Variants in SLC35F4 observed in about 807,000 individuals in gnomAD.
The protein encoded by SLC35F4 is solute carrier family 35 member F4.
A neutral mutation model predicts 44.2 loss-of-function variants in SLC35F4; 24 were observed. The observed-to-expected ratio is 0.54, with a 90% confidence interval of 0.39 to 0.76. SLC35F4 has a LOEUF of 0.76. SLC35F4 is among the 30% of genes least tolerant of loss of function. The pLI, the probability that SLC35F4 is intolerant of heterozygous loss-of-function variation, is 0.00. For missense variants in SLC35F4, 562 were observed against 586.1 expected (o/e 0.96, Z 0.42); for synonymous variants, 238 against 223.6 (o/e 1.06, Z -0.57).
intron 1 of SLC35F4, among the ~76,000 whole-genome samples, chr14:57,872,555 TCTAA>T (rs1165647930): frequency 6.6e-6 from 1 of 152,160 alleles, no homozygotes; most frequent in African/African-American, 2.4e-5. Context: ...GCTGGGCACC[TCTAA>T]CCTCCTGCAC....
chr14:57,932,975 T>C (rs1889727708), intron 1 of SLC35F4, among the ~76,000 whole-genome samples: 2 of 152,064 alleles, frequency 1.3e-5, no homozygotes, highest in Admixed American at 6.6e-5. Flanking sequence ...GAAAATATCA[T>C]TCCCCCATTT....
intron 2 of SLC35F4, among the ~76,000 whole-genome samples, chr14:57,592,710 T>C (rs987371872): frequency 6.6e-6 from 1 of 152,194 alleles, no homozygotes; most frequent in African/African-American, 2.4e-5. Context: ...AAAAATACAT[T>C]CTCAAATGAG....
intron 2 of SLC35F4, among the ~76,000 whole-genome samples, chr14:57,590,839 T>C (rs2070129375): frequency 6.6e-6 from 1 of 152,206 alleles, no homozygotes; most frequent in African/African-American, 2.4e-5. Context: ...TCACTTTGTG[T>C]CTCCAGAGCC....
intron 1 of SLC35F4, among the ~76,000 whole-genome samples, chr14:57,611,072 C>T (rs1412472745): frequency 1.3e-5 from 2 of 152,076 alleles, no homozygotes; most frequent in Non-Finnish European, 1.5e-5. Flanking sequence ...CAAACTGGGA[C>T]TTAAAGGCTG....
Position 57,665,346 on chromosome 14 carries a change from T to C in SLC35F4, c.104-71222A>G, listed in dbSNP as rs905888426. Among the ~76,000 whole-genome samples the C allele has an allele frequency of 6.6e-5, 10 of 152,326 alleles. No homozygotes were observed. In the South Asian group the frequency reaches 1.9e-3, roughly 28 times the overall value. ...TAATAATAGCTATTACTTATTGTGCTAGGCATCTCATTATGGGCCAGATAT... is the reference window on the plus strand; with the variant it reads ...TAATAATAGCTATTACTTATTGTGCCAGGCATCTCATTATGGGCCAGATAT... On this transcript the variant is annotated intron_variant, in intron 1 of 7. Coordinates refer to ENST00000556826, the MANE Select transcript of SLC35F4 (RefSeq NM_001306087.2).
At chr14:57,944,209 C>G (rs947360961) in intron 1 of SLC35F4, among the ~76,000 whole-genome samples, 2 of 152,160 alleles carry the variant, frequency 1.3e-5, no homozygotes, top group African/African-American at 4.8e-5. Context: ...GTCTTCTATT[C>G]CTACTTATCC....
At chr14:57,616,202 C>A (rs1462755376) in intron 1 of SLC35F4, among the ~76,000 whole-genome samples, 2 of 152,236 alleles carry the variant, frequency 1.3e-5, no homozygotes, top group African/African-American at 4.8e-5. Context: ...AAACTTCATA[C>A]CTATTCTCTT....
intron 1 of SLC35F4, among the ~76,000 whole-genome samples, chr14:57,756,167 A>G (rs1008095161): frequency 6.6e-6 from 1 of 152,182 alleles, no homozygotes; most frequent in African/African-American, 2.4e-5. Context: ...ATGGAAGCTG[A>G]GATCTTTGAT....
intron 1 of SLC35F4, among the ~76,000 whole-genome samples, chr14:57,889,250 C>A (rs767655299): frequency 6.6e-6 from 1 of 152,202 alleles, no homozygotes; most frequent in Non-Finnish European, 1.5e-5. Flanking sequence ...CACTGCCATG[C>A]GGTGCAGCAG....
chr14:57,729,041 C>T (rs900259135), intron 1 of SLC35F4, among the ~76,000 whole-genome samples: 1 of 152,142 alleles, frequency 6.6e-6, no homozygotes, highest in African/African-American at 2.4e-5. Context: ...TTTGGAACTC[C>T]ATTGCATGTT....
chr14:57,670,625 C>T (rs552341691), intron 1 of SLC35F4, among the ~76,000 whole-genome samples: 10 of 151,988 alleles, frequency 6.6e-5, no homozygotes, highest in African/African-American at 2.2e-4. Flanking sequence ...GTTCAGTTTC[C>T]ATGTAGTTGA....
chr14:57,869,471 G>A (rs750205823), upstream of SLC35F4, among the ~76,000 whole-genome samples: 18 of 152,070 alleles, frequency 1.2e-4, no homozygotes, highest in African/African-American at 2.4e-4. Context: ...GGCTTTAGTC[G>A]TCTTTTTATG....
At chr14:57,803,629 A>AC (rs1047860464) in intron 1 of SLC35F4, among the ~76,000 whole-genome samples, 24 of 114,720 alleles carry the variant, frequency 2.1e-4, no homozygotes, top group Non-Finnish European at 3.7e-4. Context: ...CACTCTTGTC[A>AC]CCCAGACTGG....
Position 57,673,769 on chromosome 14 carries a change from T to C in SLC35F4, c.104-79645A>G, listed in dbSNP as rs142774450. Among the ~76,000 whole-genome samples the C allele has an allele frequency of 2.6e-3, 390 of 152,166 alleles. 3 individuals are homozygous for C. The highest frequency in any genetic ancestry group is 0.02 in the Middle Eastern group (6 of 294). On this transcript the variant is annotated intron_variant, in intron 1 of 7. Transcript: ENST00000556826. ...TGAATTGGAGGTAACAAAAAATTTA[T>C]TGGAGAGGTCACAGTGAACAATAAC...
At chr14:57,783,767 T>C (rs2077688410) in intron 1 of SLC35F4, among the ~76,000 whole-genome samples, 2 of 152,132 alleles carry the variant, frequency 1.3e-5, no homozygotes, top group Non-Finnish European at 2.9e-5. Flanking sequence ...AAATCAAAGA[T>C]TGTTGTCTAT....
intron 1 of SLC35F4, among the ~76,000 whole-genome samples, chr14:57,750,478 C>G (rs2076858497): frequency 6.6e-6 from 1 of 152,162 alleles, no homozygotes; most frequent in Non-Finnish European, 1.5e-5. Flanking sequence ...AGAGGTTGTA[C>G]TAATTTACAT....
chr14:57,645,587 G>T (rs59079952), intron 1 of SLC35F4, among the ~76,000 whole-genome samples: 1 of 147,386 alleles, frequency 6.8e-6, no homozygotes, highest in African/African-American at 2.4e-5. Flanking sequence ...ATTTGACTTC[G>T]TCTTTTCCTA....
intron 1 of SLC35F4, among the ~76,000 whole-genome samples, chr14:57,844,280 A>G (rs1885783206): frequency 6.6e-6 from 1 of 152,202 alleles, no homozygotes; most frequent in Admixed American, 6.5e-5. Flanking sequence ...ATGAAGCATC[A>G]GGGCAATCAC....
intron 1 of SLC35F4, among the ~76,000 whole-genome samples, chr14:57,758,174 TTC>T (rs377206006): frequency 2.0e-5 from 3 of 152,120 alleles, no homozygotes; most frequent in African/African-American, 7.2e-5. Flanking sequence ...CTTTTAGATT[TTC>T]TCTTTATCAA....
Sources: allele counts gnomAD v4.1 joint callset (sites outside exome capture counted in the v4.1 genomes callset), GRCh38; gene constraint gnomAD v4.1.1; transcripts MANE v1.5; gene names NCBI Gene and HGNC (gene_info 2026-07-23, HGNC 2026-07-21).